Variants in ECT2 observed in about 807,000 individuals in gnomAD.
ECT2 encodes the protein epithelial cell transforming 2.
A neutral mutation model predicts 116.9 loss-of-function variants in ECT2; 61 were observed. That is an observed-to-expected ratio of 0.52 (90% CI 0.42 to 0.65). The LOEUF is 0.65. Ranked by LOEUF, ECT2 falls within the 30% of genes least tolerant of loss-of-function variation. The pLI, the probability that ECT2 is intolerant of heterozygous loss-of-function variation, is 0.00. For synonymous variants in ECT2, 358 were observed against 346.4 expected (o/e 1.03, Z -0.37); for missense variants, 937 against 1,078.7 (o/e 0.87, Z 1.84).
At chr3:172,816,258 G>C (rs1213157563) in intron 23 of ECT2, among the ~76,000 whole-genome samples, 1 of 151,962 alleles carries the variant, frequency 6.6e-6, no homozygotes, top group Non-Finnish European at 1.5e-5. Context: ...TCTTTCCCTT[G>C]GTGGGGGGGC....
chr3:172,784,051 A>G, intron 16 of ECT2, 142 bp downstream of exon 16: 1 of 584,748 alleles, frequency 1.7e-6, no homozygotes, highest in Non-Finnish European at 2.9e-6. Context: ...CTTATGGGTG[A>G]CCATGATATT....
chr3:172,752,021 C>T (rs997132645), intron 1 of ECT2: 1 of 151,924 alleles, frequency 6.6e-6, no homozygotes, highest in African/African-American at 2.4e-5. Context: ...CATCTGCTTT[C>T]GATCATCTGC....
At chr3:172,818,036 A>G (rs1382373612) in intron 24 of ECT2, among the ~76,000 whole-genome samples, 1 of 152,176 alleles carries the variant, frequency 6.6e-6, no homozygotes, top group Non-Finnish European at 1.5e-5. Context: ...TGCTTAGAAC[A>G]GTACCTGGCA....
intron 1 of ECT2, 48 bp from the exon 2 acceptor site, chr3:172,754,461 G>C (rs958072177): frequency 3.7e-6 from 5 of 1,358,712 alleles, no homozygotes; most frequent in Non-Finnish European, 5.0e-6. Flanking sequence ...ACTTACTTTT[G>C]CCCAATGACC....
At chr3:172,825,175 G>A (rs779903664), downstream of ECT2, among the ~76,000 whole-genome samples, 4 of 151,952 alleles carry the variant, frequency 2.6e-5, no homozygotes, top group Non-Finnish European at 4.4e-5. Flanking sequence ...TGTTATTATT[G>A]TAATTGTTCT....
Position 172,801,476 on chromosome 3 carries a change from A to G in ECT2, c.1908-1140A>G, listed in dbSNP as rs560298403. Among the ~76,000 whole-genome samples the G allele has an allele frequency of 9.9e-5, 15 of 152,262 alleles. No homozygotes were observed. In the South Asian group the frequency reaches 3.1e-3, roughly 32 times the overall value. On this transcript the variant is annotated intron_variant, in intron 18 of 24. Coordinates refer to ENST00000392692, the MANE Select transcript of ECT2 (RefSeq NM_001258315.2). ...TGAGCACTGAGCACTGTTAACTCTG[A>G]TTTTTTAACGTGTCTTCCCTAACCT...
chr3:172,779,473 T>C (rs114843889), intron 14 of ECT2, among the ~76,000 whole-genome samples: 1 of 152,218 alleles, frequency 6.6e-6, no homozygotes, highest in East Asian at 1.9e-4. Flanking sequence ...TCTTAAAGAT[T>C]GAAGAAGTTT....
At chr3:172,809,742 A>G (rs1728433270) in intron 22 of ECT2, among the ~76,000 whole-genome samples, 1 of 151,388 alleles carries the variant, frequency 6.6e-6, no homozygotes, top group Admixed American at 6.6e-5. Context: ...GAGTAAAATA[A>G]GCACAACTAA....
Position 172,754,548 on chromosome 3 carries a change from A to G in ECT2, c.18A>G (p.Val6=). 17 of 1,604,674 alleles carry G rather than the reference A, an allele frequency of 1.1e-5. No individual in the cohort carries two copies. Among genetic ancestry groups the G allele is most frequent in the South Asian group, 2.2e-5 (2 of 89,360 alleles). ...TACAAATCATGGCTGAAAATAGTGT[A>G]TTAACATCCACTACTGGGAGGACTA... MAENS[V]LTSTTGRTSL... is the part of the protein sequence containing the mutation. Residue 6 remains valine, a synonymous_variant, in exon 2 of 25, where the codon GTA becomes GTG. Transcript: ENST00000392692.
chr3:172,754,771 A>G, intron 2 of ECT2, 111 bp downstream of exon 2: 1 of 769,474 alleles, frequency 1.3e-6, no homozygotes. Flanking sequence ...GAGCACAGGT[A>G]TTAAGTAAAT....
the ECT2 span, chr3:172,829,190 T>C: frequency 2.4e-6 from 1 of 423,532 alleles, no homozygotes; most frequent in Non-Finnish European, 4.3e-6. Context: ...GTCTCCCAGC[T>C]TTAGCCCTTG....
intron 5 of ECT2, among the ~76,000 whole-genome samples, chr3:172,757,627 G>T (rs1717285375): frequency 6.6e-6 from 1 of 151,954 alleles, no homozygotes; most frequent in African/African-American, 2.4e-5. Flanking sequence ...ATGTTAGCCA[G>T]GATGGTCTTG....
intron 1 of ECT2, among the ~76,000 whole-genome samples, chr3:172,753,030 T>A (rs1260325828): frequency 1.3e-5 from 2 of 152,164 alleles, no homozygotes; most frequent in Non-Finnish European, 2.9e-5. Flanking sequence ...CCTCTGTATA[T>A]TTGCCTAATA....
intron 22 of ECT2, among the ~76,000 whole-genome samples, chr3:172,815,271 G>A (rs1577046045): frequency 6.6e-6 from 1 of 152,150 alleles, no homozygotes; most frequent in Non-Finnish European, 1.5e-5. Context: ...AACAGTGTTT[G>A]TGGTATTGGT....
At chr3:172,767,376 C>T (rs1270300549) in intron 12 of ECT2, among the ~76,000 whole-genome samples, 10 of 151,936 alleles carry the variant, frequency 6.6e-5, no homozygotes, top group Admixed American at 4.6e-4. Context: ...GGGAAGTGGA[C>T]GTTGCAGTGA....
At chr3:172,803,026 A>G (rs746190484) in intron 20 of ECT2, 46 bp downstream of exon 20, 4 of 1,509,282 alleles carry the variant, frequency 2.7e-6, no homozygotes, top group African/African-American at 2.8e-5. Context: ...TGATTTTTGT[A>G]AGTTCCCTGA....
At chr3:172,763,945 T>C (rs1161661865) in intron 11 of ECT2, among the ~76,000 whole-genome samples, 1 of 152,220 alleles carries the variant, frequency 6.6e-6, no homozygotes, top group Non-Finnish European at 1.5e-5. Flanking sequence ...GTCCAGGCAC[T>C]GTGCTAGGGA....
chr3:172,778,588 C>CTTTTTTTTT (rs5854485), intron 14 of ECT2, among the ~76,000 whole-genome samples: 6 of 59,810 alleles, frequency 1.0e-4, no homozygotes, highest in African/African-American at 3.6e-4. Context: ...TATTAGCTAT[C>CTTTTTTTTT]TTTTTTTTTT....
intron 20 of ECT2, 47 bp from the exon 21 acceptor site, chr3:172,805,684 T>A (rs747171776): frequency 1.3e-6 from 2 of 1,578,478 alleles, no homozygotes; most frequent in Non-Finnish European, 1.7e-6. Flanking sequence ...TATTTGGTCC[T>A]TTTTCTTCAT....
Sources: gnomAD v4.1 joint callset for allele counts (sites outside exome capture counted in the v4.1 genomes callset) on GRCh38, gnomAD v4.1.1 for gene constraint, MANE v1.5 for transcripts, NCBI Gene and HGNC (gene_info 2026-07-23, HGNC 2026-07-21) for gene names.